Variants in ACACA observed in about 807,000 individuals in gnomAD.
ACACA encodes acetyl-CoA carboxylase alpha.
ACACA carries 103 observed loss-of-function variants against 296.1 expected under a neutral mutation model. That is an observed-to-expected ratio of 0.35 (90% CI 0.30 to 0.41). The LOEUF is 0.41. Among genes scored for constraint, ACACA ranks in the 10% least tolerant of loss-of-function variants. The probability of loss-of-function intolerance (pLI) is 1.00; values close to 1 mark genes in which losing one functional copy is unlikely to be tolerated. For missense variants in ACACA, 1,554 were observed against 2,989.7 expected (o/e 0.52, Z 11.20); for synonymous variants, 953 against 1,038.6 (o/e 0.92, Z 1.58).
chr17:37,198,307 C>G (rs1255986303), intron 35 of ACACA, among the ~76,000 whole-genome samples: 1 of 152,178 alleles, frequency 6.6e-6, no homozygotes, highest in Non-Finnish European at 1.5e-5. Context: ...AAGATTCCAT[C>G]TAATCCATTA....
chr17:37,169,419 T>G (rs1372061322), intron 41 of ACACA, among the ~76,000 whole-genome samples: 1 of 152,224 alleles, frequency 6.6e-6, no homozygotes, highest in Non-Finnish European at 1.5e-5. Flanking sequence ...CTGCCCTTGT[T>G]AGATTTAGGA....
intron 3 of ACACA, among the ~76,000 whole-genome samples, chr17:37,329,895 C>T (rs974181644): frequency 1.3e-5 from 2 of 151,526 alleles, no homozygotes; most frequent in African/African-American, 2.4e-5. Flanking sequence ...GAGCTGAGAC[C>T]GCACCACTGC....
rs562492618 is a variant in ACACA at position 37,141,653 on chromosome 17, T to G, written c.5679+8211A>C. On this transcript the variant is annotated intron_variant, in intron 45 of 55. Transcript: ENST00000616317. ...AAATAGATTAAAGCCCAAAGTTGCTTACCTAGTAAATGTCAGGGAGAAGAA... is the reference window on the plus strand; with the variant it reads ...AAATAGATTAAAGCCCAAAGTTGCTGACCTAGTAAATGTCAGGGAGAAGAA... 2.0e-5 allele frequency among the ~76,000 whole-genome samples: 3 copies of G among 152,290 alleles called. No homozygotes were observed. In the South Asian group the frequency reaches 6.2e-4, roughly 32 times the overall value.
chr17:37,213,881 C>CT (rs11336184), intron 29 of ACACA, among the ~76,000 whole-genome samples: 2 of 152,076 alleles, frequency 1.3e-5, no homozygotes, highest in Non-Finnish European at 2.9e-5. Flanking sequence ...TTCTGTGAGC[C>CT]TTTTTACCAT....
chr17:37,244,541 T>C lies in ACACA; in HGVS notation c.2742+47A>G, dbSNP rs377071982. 20 of 1,604,486 alleles carry C rather than the reference T, an allele frequency of 1.2e-5. No individual in the cohort carries two copies. In the African/African-American group the frequency reaches 1.6e-4, roughly 13 times the overall value. ...TGAGACTTGGAACTATTTTGGAGAA[T>C]AGGTATCCCATTTGTACATCCCTTC... On this transcript the variant is annotated intron_variant, in intron 21 of 55. Transcript: ENST00000616317.
chr17:37,405,769 G>A (rs899851886), intron 1 of ACACA, among the ~76,000 whole-genome samples: 2 of 149,866 alleles, frequency 1.3e-5, no homozygotes, highest in South Asian at 4.2e-4. Flanking sequence ...GGTCAGGCTG[G>A]TCTAGAACTC....
chr17:37,160,982 C>CT (rs2076436752), intron 42 of ACACA, among the ~76,000 whole-genome samples: 2 of 152,022 alleles, frequency 1.3e-5, no homozygotes, highest in Admixed American at 1.3e-4. Flanking sequence ...AGAGGCTGAG[C>CT]TAGGGTATAG....
intron 3 of ACACA, chr17:37,299,490 C>T: frequency 6.7e-7 from 1 of 1,487,866 alleles, no homozygotes; most frequent in Non-Finnish European, 8.9e-7. Flanking sequence ...CTCCTGATGG[C>T]CTCAAACTAT....
chr17:37,226,706 T>C (rs1432249875), intron 25 of ACACA, among the ~76,000 whole-genome samples: 1 of 152,142 alleles, frequency 6.6e-6, no homozygotes, highest in Non-Finnish European at 1.5e-5. Context: ...ACTATACTTT[T>C]AACACGCAGA....
intron 1 of ACACA, among the ~76,000 whole-genome samples, chr17:37,359,418 C>G (rs2049308290): frequency 1.0e-5 from 1 of 99,732 alleles, no homozygotes; most frequent in African/African-American, 6.8e-5. Context: ...GCGGGCGGGC[C>G]GCGGGCGGGC....
At chr17:37,320,005 T>G (rs2053960460) in intron 3 of ACACA, among the ~76,000 whole-genome samples, 1 of 151,698 alleles carries the variant, frequency 6.6e-6, no homozygotes. Flanking sequence ...CACATACCTG[T>G]AGTCCCAACT....
chr17:37,406,224 C>A (rs772153413), intron 1 of ACACA, 38 bp downstream of exon 1: 5 of 1,604,604 alleles, frequency 3.1e-6, no homozygotes, highest in South Asian at 1.1e-5. Flanking sequence ...CTATTAGAAT[C>A]ATCATTAACA....
At chr17:37,380,366 G>A (rs1027344585) in intron 1 of ACACA, among the ~76,000 whole-genome samples, 1 of 151,394 alleles carries the variant, frequency 6.6e-6, no homozygotes, top group African/African-American at 2.4e-5. Flanking sequence ...CATGGCACAT[G>A]TATACATATG....
intron 1 of ACACA, among the ~76,000 whole-genome samples, chr17:37,395,641 A>G (rs2051055067): frequency 6.6e-6 from 1 of 152,020 alleles, no homozygotes. Flanking sequence ...GCCCGGGTTC[A>G]AACCAATTCT....
chr17:37,119,685 G>T (rs576944343), intron 50 of ACACA, among the ~76,000 whole-genome samples: 8 of 150,504 alleles, frequency 5.3e-5, no homozygotes, highest in African/African-American at 2.0e-4. Context: ...TGGCCATACA[G>T]GGCTCTTCCT....
At chr17:37,118,602 T>A (rs1207946352) in intron 50 of ACACA, among the ~76,000 whole-genome samples, 1 of 152,170 alleles carries the variant, frequency 6.6e-6, no homozygotes, top group African/African-American at 2.4e-5. Context: ...CTAACTGTGT[T>A]ACAGGGAGCT....
chr17:37,390,303 A>ATTTTATATATATATAT lies in ACACA; in HGVS notation c.38+15958_38+15959insATATATATATATAAAA, dbSNP rs1167945419. On this transcript the variant is annotated intron_variant, in intron 1 of 55. Coordinates refer to ENST00000616317, the MANE Select transcript of ACACA (RefSeq NM_198834.3). Reference sequence around the variant, plus strand: ...TATATATAATTATATATTATACATAATTATATATATATATATATATATATA... The same window carrying ATTTTATATATATATAT: ...TATATATAATTATATATTATACATAATTTTATATATATATATTTATATATATATATATATATATATA... Among the ~76,000 whole-genome samples, 9 of 19,946 alleles carry ATTTTATATATATATAT rather than the reference A, an allele frequency of 4.5e-4. 1 individual carries two copies. Among genetic ancestry groups the ATTTTATATATATATAT allele is most frequent in the South Asian group, 3.7e-3 (2 of 540 alleles). 13.1% of individuals were successfully genotyped at this position (19,946 alleles called of 152,430 possible). A position where few individuals can be genotyped will look rare whatever the true frequency, so the allele number is the denominator to read the frequency against.
chr17:37,364,140 A>AT (rs2147631411), intron 1 of ACACA, among the ~76,000 whole-genome samples: 1 of 151,512 alleles, frequency 6.6e-6, no homozygotes, highest in African/African-American at 2.4e-5. Flanking sequence ...AAAATAAAAA[A>AT]TAAAAAAATT....
At chr17:37,260,277 TATATATATATA>T (rs2081415618) in intron 11 of ACACA, among the ~76,000 whole-genome samples, 10 of 31,848 alleles carry the variant, frequency 3.1e-4, no homozygotes, top group East Asian at 1.9e-3. Flanking sequence ...TATATATATA[TATATATATATA>T]TATATATATT....
Sources: gnomAD v4.1 joint callset for allele counts (sites outside exome capture counted in the v4.1 genomes callset) on GRCh38, gnomAD v4.1.1 for gene constraint, MANE v1.5 for transcripts, NCBI Gene and HGNC (gene_info 2026-07-23, HGNC 2026-07-21) for gene names.